The following ARHGAP15 variants were observed in gnomAD, a reference collection of about 807,000 sequenced individuals.
ARHGAP15 encodes rho GTPase-activating protein 15.
Under a neutral mutation model 63.7 loss-of-function variants are expected in ARHGAP15, and 51 were observed. The observed-to-expected ratio is 0.80, with a 90% CI of 0.64 to 1.01. ARHGAP15 has a LOEUF of 1.01. ARHGAP15 is among the 50% of genes least tolerant of loss of function. The pLI is 0.00. For synonymous variants in ARHGAP15, 191 were observed against 193.8 expected (o/e 0.99, Z 0.12); for missense variants, 560 against 564.6 (o/e 0.99, Z 0.08).
At position 143,461,158 on chromosome 2, in the gene ARHGAP15, C is replaced by T. The variant is rs150251759; in HGVS notation, c.703+24116C>T. ...TATAAAAATTAGCCAGGCACGGTGG[C>T]GCACACCTGTAATCCCAGCTACTCG... On this transcript the variant is annotated intron_variant, in intron 8 of 13. Transcript: ENST00000295095. Among the ~76,000 whole-genome samples the T allele has an allele frequency of 2.3e-3, 355 of 151,792 alleles. 1 individual carries two copies. Among genetic ancestry groups the T allele is most frequent in the Admixed American group, 4.7e-3 (72 of 15,232 alleles).
At chr2:143,342,061 A>G (rs1395093667) in intron 6 of ARHGAP15, among the ~76,000 whole-genome samples, 1 of 152,100 alleles carries the variant, frequency 6.6e-6, no homozygotes, top group East Asian at 1.9e-4. Context: ...ATTGGAGACA[A>G]CTCCATATTT....
At chr2:143,247,106 C>T (rs1272510901) in intron 5 of ARHGAP15, among the ~76,000 whole-genome samples, 2 of 152,140 alleles carry the variant, frequency 1.3e-5, no homozygotes, top group African/African-American at 2.4e-5. Context: ...GAACAGCTAA[C>T]CTGGAGATTC....
chr2:143,528,473 A>G (rs1403349372), intron 10 of ARHGAP15, among the ~76,000 whole-genome samples: 1 of 152,084 alleles, frequency 6.6e-6, no homozygotes, highest in Admixed American at 6.6e-5. Flanking sequence ...TTAAAATAAG[A>G]AATATATGGT....
chr2:143,505,364 A>G (rs541870142), intron 9 of ARHGAP15, among the ~76,000 whole-genome samples: 33 of 152,294 alleles, frequency 2.2e-4, no homozygotes, highest in African/African-American at 7.9e-4. Context: ...ATCTCACAAC[A>G]TGATACCTAT....
At chr2:143,364,466 A>G (rs1574337550) in intron 6 of ARHGAP15, among the ~76,000 whole-genome samples, 1 of 152,184 alleles carries the variant, frequency 6.6e-6, no homozygotes, top group Admixed American at 6.5e-5. Context: ...TAAGGAGCTT[A>G]CAATCTAATA....
intron 2 of ARHGAP15, among the ~76,000 whole-genome samples, chr2:143,184,990 T>C (rs1178736251): frequency 2.0e-5 from 3 of 151,966 alleles, no homozygotes; most frequent in African/African-American, 7.3e-5. Context: ...TAACACAGTA[T>C]TTTGCCTACA....
At chr2:143,302,178 A>G (rs917237110) in intron 6 of ARHGAP15, among the ~76,000 whole-genome samples, 6 of 151,914 alleles carry the variant, frequency 3.9e-5, no homozygotes, top group Non-Finnish European at 7.4e-5. Flanking sequence ...TGAATATCAG[A>G]TGTCTATAGA....
chr2:143,153,016 C>A (rs1291792078), intron 1 of ARHGAP15, among the ~76,000 whole-genome samples: 1 of 151,960 alleles, frequency 6.6e-6, no homozygotes, highest in Non-Finnish European at 1.5e-5. Context: ...AGATAAAAGG[C>A]TTTGTAATGA....
intron 10 of ARHGAP15, among the ~76,000 whole-genome samples, chr2:143,554,852 A>C (rs1695720751): frequency 6.6e-6 from 1 of 152,170 alleles, no homozygotes. Context: ...TAATTTGTGC[A>C]TCACGAAGAA....
chr2:143,545,521 G>A (rs1464368475), intron 10 of ARHGAP15, among the ~76,000 whole-genome samples: 1 of 151,630 alleles, frequency 6.6e-6, no homozygotes, highest in Non-Finnish European at 1.5e-5. Flanking sequence ...TTTTTAAGTT[G>A]CTACTCTTGT....
chr2:143,586,460 TTA>T (rs1332414621), intron 11 of ARHGAP15, among the ~76,000 whole-genome samples: 2 of 152,108 alleles, frequency 1.3e-5, no homozygotes, highest in African/African-American at 4.8e-5. Context: ...TAGACATATT[TTA>T]TGTCTTTAAT....
intron 9 of ARHGAP15, among the ~76,000 whole-genome samples, chr2:143,505,678 C>T (rs146213185): frequency 1.6e-3 from 238 of 152,314 alleles, no homozygotes; most frequent in African/African-American, 5.4e-3. Context: ...CATCACACCT[C>T]CATGGAACTA....
chr2:143,732,949 T>A (rs1225947480), intron 13 of ARHGAP15, among the ~76,000 whole-genome samples: 5 of 149,568 alleles, frequency 3.3e-5, no homozygotes, highest in Non-Finnish European at 7.4e-5. Flanking sequence ...CAGATGGCAT[T>A]TCTCTCTGTT....
Position 143,646,393 on chromosome 2 carries a change from G to A in ARHGAP15, c.1138+22126G>A, listed in dbSNP as rs1014338424. Among the ~76,000 whole-genome samples the A allele has an allele frequency of 2.6e-5, 4 of 152,102 alleles. No individual in the cohort carries two copies. The East Asian group carries it at 7.7e-4, about 29-fold the overall frequency. Reference sequence around the variant, plus strand: ...CCACTTATTAGCAGGGCCTGTCTCAGTTGGAGGCTCTGCCTTTTTTGCTTA... The same window carrying A: ...CCACTTATTAGCAGGGCCTGTCTCAATTGGAGGCTCTGCCTTTTTTGCTTA... On this transcript the variant is annotated intron_variant, in intron 12 of 13. Transcript: ENST00000295095.
intron 12 of ARHGAP15, among the ~76,000 whole-genome samples, chr2:143,688,632 C>A (rs562465688): frequency 6.6e-6 from 1 of 152,148 alleles, no homozygotes; most frequent in Non-Finnish European, 1.5e-5. Flanking sequence ...TAAGCCTTCA[C>A]GTAAACTTTT....
chr2:143,548,009 A>G (rs1167412875), intron 10 of ARHGAP15, among the ~76,000 whole-genome samples: 1 of 152,102 alleles, frequency 6.6e-6, no homozygotes, highest in Non-Finnish European at 1.5e-5. Context: ...AACCAGTAAC[A>G]CACTTAACAT....
At chr2:143,728,735 C>T (rs975397690) in intron 13 of ARHGAP15, among the ~76,000 whole-genome samples, 1 of 152,074 alleles carries the variant, frequency 6.6e-6, no homozygotes, top group East Asian at 1.9e-4. Context: ...CCGACCGAGC[C>T]CCACCCCGCC....
At chr2:143,459,075 A>T (rs1690798101) in intron 8 of ARHGAP15, among the ~76,000 whole-genome samples, 1 of 152,146 alleles carries the variant, frequency 6.6e-6, no homozygotes, top group African/African-American at 2.4e-5. Context: ...CAGCACCTTA[A>T]GAGTTTTTAA....
chr2:143,717,106 G>A (rs557509326), intron 13 of ARHGAP15, among the ~76,000 whole-genome samples: 5 of 152,294 alleles, frequency 3.3e-5, no homozygotes, highest in African/African-American at 9.6e-5. Context: ...CTTAGAGCAC[G>A]TTTTTTTAGA....
Sources: allele counts gnomAD v4.1 joint callset (sites outside exome capture counted in the v4.1 genomes callset), GRCh38; gene constraint gnomAD v4.1.1; transcripts MANE v1.5; gene names NCBI Gene and HGNC (gene_info 2026-07-23, HGNC 2026-07-21).